GLTP: variants seen among roughly 807,000 people sequenced by gnomAD.
GLTP encodes glycolipid transfer protein.
In GLTP, 22 loss-of-function variants were observed where a neutral mutation model predicts 24.0. The ratio of observed to expected loss-of-function variants is 0.92; its 90% CI spans 0.65 to 1.31. The LOEUF (loss-of-function observed/expected upper bound fraction) is 1.31. GLTP is among the 50% of genes most tolerant of loss of function. The probability of loss-of-function intolerance (pLI) is 0.00; values close to 1 mark genes in which losing one functional copy is unlikely to be tolerated. For missense variants in GLTP, 224 were observed against 276.6 expected, an observed-to-expected ratio of 0.81 and a Z score of 1.35; for synonymous variants, 92 against 115.9, an observed-to-expected ratio of 0.79 and a Z score of 1.33.
chr12:109,875,445 G>T (rs1378043523), intron 1 of GLTP, among the ~76,000 whole-genome samples: 3 of 152,122 alleles, frequency 2.0e-5, no homozygotes, highest in Non-Finnish European at 4.4e-5. Flanking sequence ...TTTCAAGCTG[G>T]GATGAAAGGG....
intron 1 of GLTP, among the ~76,000 whole-genome samples, chr12:109,867,083 T>C (rs767400488): frequency 6.6e-6 from 1 of 151,094 alleles, no homozygotes; most frequent in East Asian, 2.0e-4. Flanking sequence ...TGGCCAACTT[T>C]GTGTATTTTT....
chr12:109,857,321 T>G lies in GLTP; in HGVS notation c.296+205A>C, dbSNP rs1430910405. Among the ~76,000 whole-genome samples the G allele has an allele frequency of 6.6e-6, 1 of 152,190 alleles. No individual in the cohort carries two copies. The highest frequency in any genetic ancestry group is 1.5e-5 in the Non-Finnish European group (1 of 68,038). On this transcript the variant is annotated intron_variant, in intron 3 of 4. Coordinates refer to ENST00000318348, the MANE Select transcript of GLTP (RefSeq NM_016433.4). This position sits in a 1 kb window ranked among gnomAD's most constrained non-coding sequence, Gnocchi z 4.3. ...CAACTCCCAGATCAGGGTGTGCTCA[T>G]ATACTGATGGGACTGGAACCAGGAA...
chr12:109,853,198 C>G (rs1279035516), intron 4 of GLTP, among the ~76,000 whole-genome samples: 1 of 152,128 alleles, frequency 6.6e-6, no homozygotes, highest in Non-Finnish European at 1.5e-5. Flanking sequence ...TTCCCTGCTC[C>G]AGAAAAGGTG....
intron 1 of GLTP, among the ~76,000 whole-genome samples, chr12:109,869,600 C>A (rs1270734419): frequency 6.7e-6 from 1 of 148,630 alleles, no homozygotes; most frequent in African/African-American, 2.5e-5. Context: ...AGACTATAGG[C>A]AAGCACCACC....
chr12:109,870,393 G>T lies in GLTP; in HGVS notation c.103+9879C>A, dbSNP rs573275343. On this transcript the variant is annotated intron_variant, in intron 1 of 4. Transcript: ENST00000318348. ...AGGTAAGATAATTGCTTGAACCTAG[G>T]GGGAGGGTGGAGGTTGCAGTGAGCC... Among the ~76,000 whole-genome samples, 21 of 152,100 alleles carry T rather than the reference G, an allele frequency of 1.4e-4. 1 individual carries two copies. Among genetic ancestry groups the T allele is most frequent in the African/African-American group, 4.8e-4 (20 of 41,474 alleles).
intron 1 of GLTP, among the ~76,000 whole-genome samples, chr12:109,873,187 TTA>T (rs1491349241): frequency 6.7e-6 from 1 of 150,024 alleles, no homozygotes. Context: ...AACTTTAAAT[TTA>T]AAAAAAAAAA....
At chr12:109,860,693 C>T (rs11068651) in intron 1 of GLTP, among the ~76,000 whole-genome samples, 8,412 of 152,028 alleles carry the variant, frequency 0.055, 342 homozygotes, top group East Asian at 0.11. Context: ...TATAATATGT[C>T]GGAGCATCAT....
intron 1 of GLTP, among the ~76,000 whole-genome samples, chr12:109,863,406 A>G (rs1019748653): frequency 1.3e-5 from 2 of 152,212 alleles, no homozygotes; most frequent in Admixed American, 1.3e-4. Context: ...TGAGCTCTGA[A>G]GAGGGCAGGG....
chr12:109,871,747 A>G lies in GLTP; in HGVS notation c.103+8525T>C, dbSNP rs188062047. On this transcript the variant is annotated intron_variant, in intron 1 of 4. Transcript: ENST00000318348. ...AGCCACTCAAAATAGAGATGATGCTAGTTATGATCACGGTCATACGTTATA... is the reference window on the plus strand; with the variant it reads ...AGCCACTCAAAATAGAGATGATGCTGGTTATGATCACGGTCATACGTTATA... 5.5e-4 allele frequency among the ~76,000 whole-genome samples: 84 copies of G among 152,374 alleles called. 1 individual carries two copies. The highest frequency in any genetic ancestry group is 2.0e-3 in the African/African-American group (84 of 41,580).
chr12:109,878,737 T>C (rs773300436), intron 1 of GLTP, among the ~76,000 whole-genome samples: 7 of 152,198 alleles, frequency 4.6e-5, no homozygotes, highest in African/African-American at 9.6e-5. Context: ...TAAGAAAGTT[T>C]TGTGCATTCA....
At position 109,852,394 on chromosome 12, in the gene GLTP, CTT is replaced by C. The variant is rs1195530871; in HGVS notation, c.*159_*160del. The C allele has an allele frequency of 7.0e-5, 17 of 241,596 alleles. No individual in the cohort carries two copies. The highest frequency in any genetic ancestry group is 5.0e-4 in the African/African-American group (14 of 27,788). 15.0% of individuals were successfully genotyped at this position (241,596 alleles called of 1,614,324 possible). Reference sequence around the variant, plus strand: ...AGACCAAAAAAAAAAAAAAAAAAGACTTAAAAAACGAGGGCTGTCCCCTGCAG... The same window carrying C: ...AGACCAAAAAAAAAAAAAAAAAAGACAAAAAACGAGGGCTGTCCCCTGCAG... On this transcript the variant is annotated 3_prime_UTR_variant, in exon 5 of 5. Coordinates refer to ENST00000318348, the MANE Select transcript of GLTP (RefSeq NM_016433.4).
At chr12:109,865,428 A>G (rs1868492997) in intron 1 of GLTP, among the ~76,000 whole-genome samples, 1 of 152,120 alleles carries the variant, frequency 6.6e-6, no homozygotes, top group African/African-American at 2.4e-5. Context: ...GGAGTTCAAG[A>G]CCAGCCTGAC....
chr12:109,855,193 C>T lies in GLTP; in HGVS notation c.447+426G>A, dbSNP rs556647594. Among the ~76,000 whole-genome samples, 3 of 152,314 alleles carry T rather than the reference C, an allele frequency of 2.0e-5. No homozygotes were observed. Among genetic ancestry groups the T allele is most frequent in the South Asian group, 2.1e-4 (1 of 4,818 alleles). ...TCACCCCAACACAAGCCACCAAGAA[C>T]CCAGAGGGCCGGTGTCCTTTCAGCA... On this transcript the variant is annotated intron_variant, in intron 4 of 4. Transcript: ENST00000318348. This position sits in a 1 kb window ranked among gnomAD's most constrained non-coding sequence, Gnocchi z 4.1.
At chr12:109,868,547 A>G (rs1210021421) in intron 1 of GLTP, among the ~76,000 whole-genome samples, 1 of 152,184 alleles carries the variant, frequency 6.6e-6, no homozygotes, top group Non-Finnish European at 1.5e-5. Flanking sequence ...AGGGAAAAAA[A>G]AGGACTCTTA....
intron 1 of GLTP, among the ~76,000 whole-genome samples, chr12:109,867,970 G>A (rs530886519): frequency 3.9e-5 from 6 of 152,178 alleles, no homozygotes; most frequent in African/African-American, 2.4e-5. Context: ...GTAGAGACAG[G>A]GTTTCACCGT....
intron 1 of GLTP, among the ~76,000 whole-genome samples, chr12:109,865,742 G>A (rs1868504760): frequency 6.6e-6 from 1 of 152,150 alleles, no homozygotes; most frequent in Non-Finnish European, 1.5e-5. Flanking sequence ...GCCTGAAGCT[G>A]TCTTTAAAAA....
At chr12:109,876,542 AAAAG>A (rs1868885658) in intron 1 of GLTP, among the ~76,000 whole-genome samples, 1 of 150,036 alleles carries the variant, frequency 6.7e-6, no homozygotes, top group Non-Finnish European at 1.5e-5. Flanking sequence ...AGAAAGGAAG[AAAAG>A]AAAGGAAAGG....
At chr12:109,873,479 A>G (rs888258795) in intron 1 of GLTP, among the ~76,000 whole-genome samples, 1 of 152,080 alleles carries the variant, frequency 6.6e-6, no homozygotes, top group South Asian at 2.1e-4. Flanking sequence ...GTGAAAATAC[A>G]AAAAATTAGC....
intron 1 of GLTP, among the ~76,000 whole-genome samples, chr12:109,873,494 C>A (rs189691168): frequency 1.5e-3 from 233 of 152,114 alleles, no homozygotes; most frequent in Middle Eastern, 3.4e-3. Context: ...ATTAGCCGGG[C>A]ATGGTGGTGC....
Sources: allele counts gnomAD v4.1 joint callset (sites outside exome capture counted in the v4.1 genomes callset), GRCh38; gene constraint gnomAD v4.1.1; non-coding constraint Gnocchi (gnomAD v3.1); transcripts MANE v1.5; gene names NCBI Gene and HGNC (gene_info 2026-07-23, HGNC 2026-07-21).